Variants in ASIC2 observed in about 807,000 individuals in gnomAD.
ASIC2 encodes acid-sensing ion channel 2.
A neutral mutation model predicts 57.3 loss-of-function variants in ASIC2; 25 were observed. That is an observed-to-expected ratio of 0.44 (90% CI 0.32 to 0.61). The LOEUF (loss-of-function observed/expected upper bound fraction) is 0.61. Among genes scored for constraint, ASIC2 ranks in the 20% least tolerant of loss-of-function variants. The pLI, the probability that ASIC2 is intolerant of heterozygous loss-of-function variation, is 0.06. For missense variants in ASIC2, 641 were observed against 738.1 expected (o/e 0.87, Z 1.52); for synonymous variants, 319 against 307.5 (o/e 1.04, Z -0.39).
At chr17:34,087,623 C>A (rs1223447812) in intron 1 of ASIC2, among the ~76,000 whole-genome samples, 2 of 152,116 alleles carry the variant, frequency 1.3e-5, no homozygotes, top group East Asian at 1.9e-4. Context: ...TGGATAATAT[C>A]CTGCAGAGTG....
At chr17:34,141,547 G>T (rs1178791470) in intron 1 of ASIC2, among the ~76,000 whole-genome samples, 2 of 152,126 alleles carry the variant, frequency 1.3e-5, no homozygotes, top group Non-Finnish European at 2.9e-5. Context: ...CGAGCTCCTT[G>T]AATGTCTAGA....
chr17:33,904,105 G>T (rs1201354087), intron 1 of ASIC2, among the ~76,000 whole-genome samples: 2 of 132,632 alleles, frequency 1.5e-5, no homozygotes, highest in African/African-American at 5.7e-5. Context: ...GGAGGTTGCA[G>T]TGAACCGAGA....
At chr17:33,756,031 C>T (rs538527583) in intron 1 of ASIC2, among the ~76,000 whole-genome samples, 28 of 152,370 alleles carry the variant, frequency 1.8e-4, no homozygotes, top group Non-Finnish European at 3.4e-4. Context: ...TCAGTACACC[C>T]AGCCGGCAGC....
intron 1 of ASIC2, among the ~76,000 whole-genome samples, chr17:34,028,776 C>G (rs1907473418): frequency 6.6e-6 from 1 of 152,148 alleles, no homozygotes; most frequent in South Asian, 2.1e-4. Flanking sequence ...ATTTCCTGCT[C>G]CTCTCACTGT....
chr17:33,831,242 C>T (rs573121931), intron 1 of ASIC2, among the ~76,000 whole-genome samples: 8 of 149,212 alleles, frequency 5.4e-5, no homozygotes, highest in South Asian at 4.3e-4. Context: ...CCTCCCTAGT[C>T]GAGATTTTTG....
At chr17:33,315,125 G>A (rs1235797295) in intron 1 of ASIC2, among the ~76,000 whole-genome samples, 1 of 152,096 alleles carries the variant, frequency 6.6e-6, no homozygotes, top group East Asian at 1.9e-4. Flanking sequence ...CTGTATAATG[G>A]GGGTAACACA....
At chr17:33,322,889 T>A (rs185074816) in intron 1 of ASIC2, among the ~76,000 whole-genome samples, 3 of 152,270 alleles carry the variant, frequency 2.0e-5, no homozygotes, top group Non-Finnish European at 2.9e-5. Flanking sequence ...AATGAGCTGA[T>A]GTGTGTACAG....
Position 33,035,830 on chromosome 17 carries a change from T to A in ASIC2, c.988-7438A>T, listed in dbSNP as rs1464030304. Among the ~76,000 whole-genome samples the A allele has an allele frequency of 6.6e-5, 10 of 152,198 alleles. No individual in the cohort carries two copies. The East Asian group carries it at 1.9e-3, about 29-fold the overall frequency. ...GTTCAACCTAGATTTGTGTAAAAAT[T>A]TGAGGGCTCCTCCTCTGTGGGTTCC... On this transcript the variant is annotated intron_variant, in intron 3 of 9. Coordinates refer to ENST00000225823, the MANE Select transcript of ASIC2 (RefSeq NM_183377.2).
intron 1 of ASIC2, among the ~76,000 whole-genome samples, chr17:33,968,142 C>T (rs1197983348): frequency 6.6e-6 from 1 of 152,192 alleles, no homozygotes; most frequent in African/African-American, 2.4e-5. Flanking sequence ...CCCTCCCTTC[C>T]TCCACATCCC....
intron 1 of ASIC2, among the ~76,000 whole-genome samples, chr17:33,204,045 A>G (rs966004015): frequency 2.0e-5 from 3 of 152,072 alleles, no homozygotes; most frequent in Non-Finnish European, 2.9e-5. Context: ...CCTTGTGTCT[A>G]TTTTCTAATG....
At chr17:33,992,015 G>C (rs951814534) in intron 1 of ASIC2, among the ~76,000 whole-genome samples, 1 of 152,248 alleles carries the variant, frequency 6.6e-6, no homozygotes, top group African/African-American at 2.4e-5. Flanking sequence ...ACACTGCCCT[G>C]GGAGGCAGGG....
intron 2 of ASIC2, among the ~76,000 whole-genome samples, chr17:33,107,010 C>T (rs145394365): frequency 6.6e-6 from 1 of 152,254 alleles, no homozygotes; most frequent in Non-Finnish European, 1.5e-5. Flanking sequence ...GGCTGGTTGT[C>T]GAAGCTTGCC....
At chr17:33,428,807 T>A (rs528921067) in intron 1 of ASIC2, among the ~76,000 whole-genome samples, 1 of 152,286 alleles carries the variant, frequency 6.6e-6, no homozygotes, top group African/African-American at 2.4e-5. Flanking sequence ...CACGTTCCTG[T>A]CTCTGAATGT....
At chr17:33,915,507 C>A (rs948990343) in intron 1 of ASIC2, among the ~76,000 whole-genome samples, 21 of 152,182 alleles carry the variant, frequency 1.4e-4, no homozygotes, top group African/African-American at 5.1e-4. Context: ...AGATTTATCC[C>A]ATTTAAGATG....
At chr17:33,818,762 A>T (rs1597888873) in intron 1 of ASIC2, among the ~76,000 whole-genome samples, 1 of 152,186 alleles carries the variant, frequency 6.6e-6, no homozygotes, top group African/African-American at 2.4e-5. Context: ...TTTTGTAGGC[A>T]TTTCTTAATG....
intron 1 of ASIC2, among the ~76,000 whole-genome samples, chr17:33,584,605 A>G (rs1183160045): frequency 6.6e-6 from 1 of 152,126 alleles, no homozygotes; most frequent in African/African-American, 2.4e-5. Context: ...TACCTGGAGC[A>G]GCCAACCAGG....
intron 3 of ASIC2, among the ~76,000 whole-genome samples, chr17:33,047,806 G>T (rs774867690): frequency 6.6e-6 from 1 of 152,192 alleles, no homozygotes; most frequent in African/African-American, 2.4e-5. Flanking sequence ...ACTTTGAATG[G>T]GAATTGGGCA....
At chr17:33,873,268 T>A (rs1567741777) in intron 1 of ASIC2, among the ~76,000 whole-genome samples, 1 of 152,210 alleles carries the variant, frequency 6.6e-6, no homozygotes, top group Non-Finnish European at 1.5e-5. Context: ...AACAGTATGA[T>A]GAGGAGACAG....
intron 1 of ASIC2, among the ~76,000 whole-genome samples, chr17:33,192,433 AC>A: frequency 6.6e-6 from 1 of 151,334 alleles, no homozygotes; most frequent in East Asian, 1.9e-4. Flanking sequence ...ACAAAACAAA[AC>A]AAAACAAAAC....
Sources: allele counts gnomAD v4.1 joint callset (sites outside exome capture counted in the v4.1 genomes callset), GRCh38; gene constraint gnomAD v4.1.1; transcripts MANE v1.5; gene names NCBI Gene and HGNC (gene_info 2026-07-23, HGNC 2026-07-21).